Variants in CDC16 observed in about 807,000 individuals in gnomAD.
CDC16 encodes cell division cycle 16, also known as cell division cycle protein 16 homolog.
Under a neutral mutation model 87.0 loss-of-function variants are expected in CDC16, and 34 were observed. The observed-to-expected ratio is 0.39, with a 90% confidence interval of 0.30 to 0.52. The LOEUF is 0.52. Ranked by LOEUF, CDC16 falls within the 20% of genes least tolerant of loss-of-function variation. CDC16 has a pLI of 0.74. For synonymous variants in CDC16, 263 were observed against 260.6 expected (o/e 1.01, Z -0.09); for missense variants, 653 against 751.9 (o/e 0.87, Z 1.54).
At chr13:114,245,854 G>A in intron 9 of CDC16, 146 bp from the exon 10 acceptor site, 1 of 605,580 alleles carries the variant, frequency 1.7e-6, no homozygotes, top group Non-Finnish European at 2.9e-6. Flanking sequence ...CAGTTAGAGA[G>A]TTAATTTTTT....
intron 3 of CDC16, among the ~76,000 whole-genome samples, chr13:114,237,244 G>A (rs2081301506): frequency 6.6e-6 from 1 of 151,834 alleles, no homozygotes; most frequent in African/African-American, 2.4e-5. Context: ...AAGTCATTAG[G>A]GTTTTAGGTG....
chr13:114,254,543 T>C (rs12583880), intron 12 of CDC16, among the ~76,000 whole-genome samples: 1,740 of 152,320 alleles, frequency 0.011, 97 homozygotes, highest in Admixed American at 0.081. Context: ...TAGTGTCATA[T>C]AGAATACATC....
At chr13:114,249,608 T>C (rs1257668352) in intron 11 of CDC16, among the ~76,000 whole-genome samples, 1 of 152,244 alleles carries the variant, frequency 6.6e-6, no homozygotes, top group African/African-American at 2.4e-5. Flanking sequence ...CAGTGTTCAC[T>C]GTATACAATT....
At chr13:114,236,963 C>A in intron 3 of CDC16, 67 bp downstream of exon 3, 1 of 1,023,756 alleles carries the variant, frequency 9.8e-7, no homozygotes, top group Non-Finnish European at 1.4e-6. Context: ...TGGCCGGGCG[C>A]GGTGGCTTAC....
chr13:114,253,674 G>T (rs1188267408), intron 12 of CDC16, among the ~76,000 whole-genome samples: 1 of 148,406 alleles, frequency 6.7e-6, no homozygotes, highest in Admixed American at 6.7e-5. Context: ...GGGCGACAGA[G>T]TGAGACTCCA....
In CDC16 at chr13:114,239,017, G is replaced by A; in HGVS notation, c.229G>A (p.Ala77Thr). 6.2e-7 allele frequency: 1 copy of A among 1,611,708 alleles called. No individual in the cohort carries two copies. Among genetic ancestry groups the A allele is most frequent in the Non-Finnish European group, 8.5e-7 (1 of 1,178,594 alleles). ...KLYEACRYLA[A>T]RCHYAAKEHQ... The stretch of plus-strand genomic sequence containing the variant: ...GTATGAAGCATGTCGTTACCTTGCA[G>A]CTAGGTGCCATGTAAGTATGCTCAT... The change falls in exon 4 of 18, where the codon GCT (alanine) becomes ACT (threonine). Residue 77 changes from alanine to threonine, a missense_variant. Transcript: ENST00000356221.
chr13:114,259,857 C>T (rs2139100000), intron 14 of CDC16, among the ~76,000 whole-genome samples: 1 of 152,294 alleles, frequency 6.6e-6, no homozygotes, highest in South Asian at 2.1e-4. Context: ...GTTGCTGTTA[C>T]TGCATACTGA....
At position 114,246,180 on chromosome 13, in the gene CDC16, C is replaced by A; in HGVS notation, c.897+131C>A. The A allele has an allele frequency of 1.3e-5, 7 of 531,162 alleles. No individual in the cohort carries two copies. In the South Asian group the frequency reaches 1.9e-4, roughly 14 times the overall value. The allele number at this position is 531,162 out of a possible 1,614,324, so 32.9% of individuals were successfully genotyped here. A position where few individuals can be genotyped will look rare whatever the true frequency, so the allele number is the denominator to read the frequency against. On this transcript the variant is annotated intron_variant, in intron 10 of 17. Transcript: ENST00000356221. Reference sequence around the variant, plus strand: ...TTATTAAAGTGTTGCAACAGAATCTCCTAGTGTTTATTGTACTTACAAAAG... The same window carrying A: ...TTATTAAAGTGTTGCAACAGAATCTACTAGTGTTTATTGTACTTACAAAAG...
chr13:114,260,793 T>A (rs2082805497), intron 14 of CDC16, among the ~76,000 whole-genome samples: 1 of 152,214 alleles, frequency 6.6e-6, no homozygotes, highest in Non-Finnish European at 1.5e-5. Flanking sequence ...GATTTGTTTT[T>A]CATTCACATG....
At position 114,259,222 on chromosome 13, in the gene CDC16, C is replaced by T. The variant is rs2082694120; in HGVS notation, c.1251-113C>T. ...AACTTTGAATTTTTATAATTATTTC[C>T]AGCAGTTTACCCCATTGCATTTTAG... On this transcript the variant is annotated intron_variant, in intron 13 of 17. Coordinates refer to ENST00000356221, the MANE Select transcript of CDC16 (RefSeq NM_001078645.3). The T allele has an allele frequency of 3.2e-5, 18 of 562,656 alleles. No homozygotes were observed. The South Asian group carries it at 3.6e-4, about 11-fold the overall frequency. The allele number at this position is 562,656 out of a possible 1,614,324, so 34.9% of individuals were successfully genotyped here.
rs569523737 is a variant in CDC16 at position 114,262,025 on chromosome 13, C to T, written c.1376+77C>T. On this transcript the variant is annotated intron_variant, in intron 15 of 17. Coordinates refer to ENST00000356221, the MANE Select transcript of CDC16 (RefSeq NM_001078645.3). ...TTAATTTTGAATACTTTGTCATATT[C>T]TTATTTCATGAGATCAACCAGCTTT... 1.9e-5 allele frequency: 16 copies of T among 860,740 alleles called. No individual in the cohort carries two copies. The Admixed American group carries it at 3.3e-4, about 18-fold the overall frequency. 53.3% of individuals were successfully genotyped at this position (860,740 alleles called of 1,614,324 possible).
chr13:114,252,702 C>T lies in CDC16; in HGVS notation c.1097+2028C>T, dbSNP rs186876160. Among the ~76,000 whole-genome samples, 174 of 152,252 alleles carry T rather than the reference C, an allele frequency of 1.1e-3. 2 individuals carry two copies. Among genetic ancestry groups the T allele is most frequent in the Admixed American group, 0.011 (172 of 15,274 alleles). On this transcript the variant is annotated intron_variant, in intron 12 of 17. Transcript: ENST00000356221. ...GGTTTTTATGAGCATATGCTACAGT[C>T]TGGTAATTTTTATTTGATATTTTGG... is the stretch of plus-strand genomic sequence containing the variant.
chr13:114,236,605 A>G, intron 1 of CDC16, 40 bp from the exon 2 acceptor site: 2 of 1,584,996 alleles, frequency 1.3e-6, no homozygotes, highest in Non-Finnish European at 1.7e-6. Context: ...CTATTAAAAT[A>G]ACAGGGCAGT....
intron 12 of CDC16, among the ~76,000 whole-genome samples, chr13:114,252,872 A>G (rs2082272851): frequency 6.6e-6 from 1 of 152,142 alleles, no homozygotes; most frequent in South Asian, 2.1e-4. Context: ...GGTAGCTCAC[A>G]CCTGTAATCC....
chr13:114,257,565 T>G (rs1027592368), intron 13 of CDC16, among the ~76,000 whole-genome samples: 1 of 152,182 alleles, frequency 6.6e-6, no homozygotes, highest in Admixed American at 6.5e-5. Flanking sequence ...ATTTACGTAT[T>G]TGAGAAGAAT....
chr13:114,248,596 G>GT (rs2081988807), intron 11 of CDC16, among the ~76,000 whole-genome samples: 3 of 152,050 alleles, frequency 2.0e-5, no homozygotes, highest in Admixed American at 2.0e-4. Flanking sequence ...GAGGAGAATT[G>GT]TTTGAGTCCA....
At chr13:114,263,056 T>C (rs1057052751) in intron 16 of CDC16, 42 bp downstream of exon 16, 7 of 1,551,008 alleles carry the variant, frequency 4.5e-6, no homozygotes, top group East Asian at 2.3e-5. Context: ...CTGGTTAACA[T>C]TGACCACTTC....
At chr13:114,238,305 A>G (rs1224023644) in intron 3 of CDC16, among the ~76,000 whole-genome samples, 6 of 147,496 alleles carry the variant, frequency 4.1e-5, no homozygotes, top group Admixed American at 2.7e-4. Context: ...GACGCCCAGC[A>G]GTTATTCACA....
In CDC16 at chr13:114,242,511, G is replaced by T. The variant is rs1275735701; in HGVS notation, c.541+231G>T. On this transcript the variant is annotated intron_variant, in intron 6 of 17. Transcript: ENST00000356221. ...TAGGAAGAGGCCATCTTTTTGAGAA[G>T]TGATTGAGATAGTATAAACCAGGAT... The T allele has an allele frequency of 8.1e-6, 4 of 496,676 alleles. No homozygotes were observed. In the East Asian group the frequency reaches 1.0e-4, roughly 13 times the overall value. The allele number at this position is 496,676 out of a possible 1,614,324, so 30.8% of individuals were successfully genotyped here.
Sources: allele counts gnomAD v4.1 joint callset (sites outside exome capture counted in the v4.1 genomes callset), GRCh38; gene constraint gnomAD v4.1.1; transcripts MANE v1.5; gene names NCBI Gene and HGNC (gene_info 2026-07-23, HGNC 2026-07-21).